Variants in POLR3B observed in about 807,000 individuals in gnomAD.
POLR3B encodes DNA-directed RNA polymerase III subunit RPC2.
A neutral mutation model predicts 147.4 loss-of-function variants in POLR3B; 96 were observed. The observed-to-expected ratio is 0.65, with a 90% CI of 0.55 to 0.77. POLR3B has a LOEUF of 0.77. Ranked by LOEUF, POLR3B falls within the 30% of genes least tolerant of loss-of-function variation. The pLI, the probability that POLR3B is intolerant of heterozygous loss-of-function variation, is 0.00. For missense variants in POLR3B, 1,036 were observed against 1,413.5 expected (o/e 0.73, Z 4.28); for synonymous variants, 461 against 485.9 (o/e 0.95, Z 0.67).
Position 106,410,940 on chromosome 12 carries a change from C to A in POLR3B, c.1081C>A (p.Arg361=), listed in dbSNP as rs765830807. ...CGACAGAGATTATTATGGTAACAAG[C>A]GACTGGAATTGGCAGGACAGGTGAT... ...VDDRDYYGNK[R]LELAGQLLSL... Residue 361 remains arginine (R), a synonymous_variant, in exon 12 of 28, where the codon CGA becomes AGA. Coordinates refer to ENST00000228347, the MANE Select transcript of POLR3B (RefSeq NM_018082.6). 6.2e-7 allele frequency: 1 copy of A among 1,613,406 alleles called. No individual in the cohort carries two copies. The highest frequency in any genetic ancestry group is 1.1e-5 in the South Asian group (1 of 91,046).
At chr12:106,481,247 G>A (rs2038263493) in intron 23 of POLR3B, among the ~76,000 whole-genome samples, 1 of 152,192 alleles carries the variant, frequency 6.6e-6, no homozygotes, top group African/African-American at 2.4e-5. Context: ...ACTGGCTGCT[G>A]TGTTGAAAGA....
intron 16 of POLR3B, among the ~76,000 whole-genome samples, chr12:106,436,789 CT>C (rs2037582295): frequency 6.6e-6 from 1 of 152,088 alleles, no homozygotes; most frequent in African/African-American, 2.4e-5. Context: ...TCCTAAGATA[CT>C]TGCAGGAAGC....
chr12:106,454,417 T>C, intron 19 of POLR3B, 85 bp from the exon 20 acceptor site: 1 of 738,246 alleles, frequency 1.4e-6, no homozygotes, highest in Non-Finnish European at 2.4e-6. Flanking sequence ...TTAGTGATGT[T>C]AATGTATTTA....
At chr12:106,479,770 C>T (rs962477881) in intron 23 of POLR3B, among the ~76,000 whole-genome samples, 2 of 132,600 alleles carry the variant, frequency 1.5e-5, no homozygotes, top group Non-Finnish European at 3.4e-5. Flanking sequence ...TTTTAGTTTT[C>T]TTCTGTTTCT....
Position 106,463,626 on chromosome 12 carries a change from CTG to C in POLR3B, c.2713+8_2713+9del. ...CAGTCGTCATGGGCAAAAAGGTAAA[CTG>C]TATCATTTCTCAACTTGATTATAAA... On this transcript the variant is annotated splice_region_variant and intron_variant, in intron 23 of 27. Coordinates refer to ENST00000228347, the MANE Select transcript of POLR3B (RefSeq NM_018082.6). 3.1e-6 allele frequency: 5 copies of C among 1,609,350 alleles called. No homozygotes were observed. The highest frequency in any genetic ancestry group is 2.2e-5 in the East Asian group (1 of 44,824).
At chr12:106,372,460 C>A (rs771272699) in intron 6 of POLR3B, among the ~76,000 whole-genome samples, 1 of 151,662 alleles carries the variant, frequency 6.6e-6, no homozygotes, top group Non-Finnish European at 1.5e-5. Flanking sequence ...ACCTCAACCT[C>A]CCGAGTAGCT....
rs149535796 is a variant in POLR3B, at chr12:106,509,787, T to C, written c.*238T>C. 984 of 450,010 alleles carry C rather than the reference T, an allele frequency of 2.2e-3. 2 individuals carry two copies. Among genetic ancestry groups the C allele is most frequent in the Non-Finnish European group, 3.0e-3 (729 of 243,002 alleles). 27.9% of individuals were successfully genotyped at this position (450,010 alleles called of 1,614,324 possible). ...CCATGTGGACTGCAAGGCTGCTTGA[T>C]TCACAGATGGATGTGACCTAAAGGA... On this transcript the variant is annotated 3_prime_UTR_variant, in exon 28 of 28. Coordinates refer to ENST00000228347, the MANE Select transcript of POLR3B (RefSeq NM_018082.6).
At chr12:106,390,866 C>G (rs930126713) in intron 9 of POLR3B, among the ~76,000 whole-genome samples, 1 of 152,110 alleles carries the variant, frequency 6.6e-6, no homozygotes. Flanking sequence ...GGCTCAGAGT[C>G]TTTCATGTGC....
At chr12:106,441,121 T>C (rs1471918311) in intron 18 of POLR3B, among the ~76,000 whole-genome samples, 2 of 151,956 alleles carry the variant, frequency 1.3e-5, no homozygotes, top group Non-Finnish European at 2.9e-5. Context: ...CATACACACA[T>C]GATTCCACAC....
At chr12:106,430,616 T>C (rs1331809481) in intron 14 of POLR3B, 143 bp downstream of exon 14, 1 of 712,888 alleles carries the variant, frequency 1.4e-6, no homozygotes, top group East Asian at 2.7e-5. Context: ...AAATAAATAT[T>C]GACATGCTTG....
chr12:106,507,765 C>T lies in POLR3B; in HGVS notation c.3273-1655C>T, dbSNP rs190769345. The T allele has an allele frequency of 1.2e-3, 532 of 455,938 alleles. 2 individuals are homozygous for T. Among genetic ancestry groups the T allele is most frequent in the South Asian group, 1.8e-3 (113 of 64,536 alleles). 28.2% of individuals were successfully genotyped at this position (455,938 alleles called of 1,614,324 possible). ...TCAGGAAACTCTGTCTGCATAGTTA[C>T]CACCACCACGTGCACATTCTCAGCC... On this transcript the variant is annotated intron_variant, in intron 27 of 27. Transcript: ENST00000228347.
At chr12:106,468,865 T>C (rs1459933973) in intron 23 of POLR3B, among the ~76,000 whole-genome samples, 1 of 152,198 alleles carries the variant, frequency 6.6e-6, no homozygotes, top group Non-Finnish European at 1.5e-5. Context: ...CTTCCAATTA[T>C]GGGTCAATTT....
intron 9 of POLR3B, among the ~76,000 whole-genome samples, chr12:106,383,460 C>T (rs1350960838): frequency 7.0e-6 from 1 of 141,978 alleles, no homozygotes; most frequent in Non-Finnish European, 1.6e-5. Context: ...AGACATGCAA[C>T]CCTTTTTTTT....
intron 23 of POLR3B, among the ~76,000 whole-genome samples, chr12:106,492,503 T>C (rs1344698388): frequency 6.6e-6 from 1 of 152,180 alleles, no homozygotes; most frequent in Non-Finnish European, 1.5e-5. Context: ...GCCACTGCAC[T>C]CCAGCCTGGA....
At chr12:106,408,170 G>T (rs779721541) in intron 11 of POLR3B, among the ~76,000 whole-genome samples, 1 of 152,192 alleles carries the variant, frequency 6.6e-6, no homozygotes, top group Admixed American at 6.5e-5. Context: ...ATGATTAGAC[G>T]TATTACATAA....
In POLR3B at chr12:106,501,404, C is replaced by A. The variant is rs145991322; in HGVS notation, c.3066C>A (p.Ala1022=). 1.1e-4 allele frequency: 181 copies of A among 1,613,154 alleles called. No homozygotes were observed. The African/African-American group carries it at 2.2e-3, about 19-fold the overall frequency. ...LKHMVLDKMH[A]RARGPRAVLT... is the part of the protein sequence containing the mutation. ...ACATGGTGCTAGATAAAATGCATGC[C>A]CGGGCCCGGGGCCCACGAGCCGTCC... Residue 1022 remains alanine, a synonymous_variant, in exon 26 of 28, where the codon GCC becomes GCA. Transcript: ENST00000228347.
intron 2 of POLR3B, among the ~76,000 whole-genome samples, chr12:106,365,507 A>T (rs562638728): frequency 1.3e-5 from 2 of 152,180 alleles, no homozygotes; most frequent in East Asian, 3.9e-4. Context: ...GGAATGTGAC[A>T]CCTTGCCTGG....
Position 106,410,918 on chromosome 12 carries a change from C to T in POLR3B, c.1059C>T (p.Asp353=). 1.9e-6 allele frequency: 3 copies of T among 1,613,336 alleles called. No individual in the cohort carries two copies. The highest frequency in any genetic ancestry group is 2.5e-6 in the Non-Finnish European group (3 of 1,179,374). ...ILAQGDNKVD[D]RDYYGNKRLE... Reference sequence around the variant, plus strand: ...CCCAAGGAGATAATAAAGTTGACGACAGAGATTATTATGGTAACAAGCGAC... The same window carrying T: ...CCCAAGGAGATAATAAAGTTGACGATAGAGATTATTATGGTAACAAGCGAC... The change falls in exon 12 of 28, where the codon GAC becomes GAT. Residue 353 remains aspartate, a synonymous_variant. Transcript: ENST00000228347.
At chr12:106,399,581 G>C (rs2037032737) in intron 10 of POLR3B, among the ~76,000 whole-genome samples, 1 of 152,202 alleles carries the variant, frequency 6.6e-6, no homozygotes, top group African/African-American at 2.4e-5. Flanking sequence ...CAGGGAGAAA[G>C]ATCGGGTTAC....
Sources: gnomAD v4.1 joint callset for allele counts (sites outside exome capture counted in the v4.1 genomes callset) on GRCh38, gnomAD v4.1.1 for gene constraint, MANE v1.5 for transcripts, NCBI Gene and HGNC (gene_info 2026-07-23, HGNC 2026-07-21) for gene names.